The following ADAM28 variants were observed in gnomAD, a reference collection of about 807,000 sequenced individuals.
ADAM28 encodes ADAM metallopeptidase domain 28.
ADAM28 carries 105 observed loss-of-function variants against 101.2 expected under a neutral mutation model. The observed-to-expected ratio is 1.04, with a 90% confidence interval of 0.89 to 1.22. ADAM28 has a LOEUF of 1.22. Among genes scored for constraint, ADAM28 ranks in the 50% most tolerant of loss-of-function variants. ADAM28 has a pLI of 0.00. For synonymous variants in ADAM28, 322 were observed against 310.6 expected (o/e 1.04, Z -0.39); for missense variants, 1,028 against 945.4 (o/e 1.09, Z -1.15).
chr8:24,358,896 G>GACTA lies in ADAM28; in HGVS notation c.*4494_*4497dup, dbSNP rs1280830558. 6.6e-6 allele frequency: 1 copy of GACTA among 152,114 alleles called. No individual in the cohort carries two copies. The highest frequency in any genetic ancestry group is 2.4e-5 in the African/African-American group (1 of 41,414). The allele number at this position is 152,114 out of a possible 1,614,324, so 9.4% of individuals were successfully genotyped here. On this transcript the variant is annotated 3_prime_UTR_variant, in exon 23 of 23. Transcript: ENST00000265769. ...CATCTCAATATTAAATGACTAAGAT[G>GACTA]ACTAAGTCGTTTATGTTGCTCCCAC...
intron 13 of ADAM28, among the ~76,000 whole-genome samples, chr8:24,334,580 T>C (rs1813768095): frequency 6.6e-6 from 1 of 152,160 alleles, no homozygotes. Context: ...TAAGAGAAGA[T>C]ACAAGCATGG....
chr8:24,352,926 A>AACTATC (rs1816342580), intron 21 of ADAM28, among the ~76,000 whole-genome samples: 1 of 152,100 alleles, frequency 6.6e-6, no homozygotes, highest in Non-Finnish European at 1.5e-5. Flanking sequence ...CTTTGCTTGT[A>AACTATC]AGTATCAGAT....
intron 2 of ADAM28, among the ~76,000 whole-genome samples, chr8:24,307,777 G>A (rs562127379): frequency 6.6e-6 from 1 of 152,018 alleles, no homozygotes; most frequent in African/African-American, 2.4e-5. Context: ...GTTCTTAGAG[G>A]CCCAAACCAT....
Position 24,352,068 on chromosome 8 carries a change from C to A in ADAM28, c.2244+16C>A. On this transcript the variant is annotated intron_variant, in intron 21 of 22. Coordinates refer to ENST00000265769, the MANE Select transcript of ADAM28 (RefSeq NM_014265.6). ...AGCCTCTTTTGTGAGTTAGCAACTTCTCTTAAATACCACCCTAGTTCAATC... is the reference window on the plus strand; with the variant it reads ...AGCCTCTTTTGTGAGTTAGCAACTTATCTTAAATACCACCCTAGTTCAATC... 1 of 1,610,344 alleles carries A rather than the reference C, an allele frequency of 6.2e-7. No individual in the cohort carries two copies. The highest frequency in any genetic ancestry group is 8.5e-7 in the Non-Finnish European group (1 of 1,176,692).
At chr8:24,336,580 CAA>C (rs769016133) in intron 14 of ADAM28, among the ~76,000 whole-genome samples, 1 of 61,618 alleles carries the variant, frequency 1.6e-5, no homozygotes, top group African/African-American at 6.3e-5. Flanking sequence ...ACTCCGTCTC[CAA>C]AAAAAAAAAA....
rs998963243 is a variant in ADAM28 at position 24,355,028 on chromosome 8, A to G, written c.*624A>G. On this transcript the variant is annotated 3_prime_UTR_variant, in exon 23 of 23. Coordinates refer to ENST00000265769, the MANE Select transcript of ADAM28 (RefSeq NM_014265.6). ...TCACTTTTTAAATGGAGAAAATTTCAGTTAAATTAATAGGATAAACCAGGT... is the reference window on the plus strand; with the variant it reads ...TCACTTTTTAAATGGAGAAAATTTCGGTTAAATTAATAGGATAAACCAGGT... The G allele has an allele frequency of 6.6e-6, 1 of 152,610 alleles. No homozygotes were observed. The highest frequency in any genetic ancestry group is 1.5e-5 in the Non-Finnish European group (1 of 68,018). The allele number at this position is 152,610 out of a possible 1,614,324, so 9.5% of individuals were successfully genotyped here. A position where few individuals can be genotyped will look rare whatever the true frequency, so the allele number is the denominator to read the frequency against.
intron 14 of ADAM28, among the ~76,000 whole-genome samples, chr8:24,336,704 G>A (rs1329972465): frequency 6.6e-6 from 1 of 151,212 alleles, no homozygotes; most frequent in Non-Finnish European, 1.5e-5. Flanking sequence ...GAAGCAGAAA[G>A]TACAATGCTG....
rs147626999 is a variant in ADAM28, at chr8:24,331,380, A to G, written c.1281+53A>G. On this transcript the variant is annotated intron_variant, in intron 12 of 22. Coordinates refer to ENST00000265769, the MANE Select transcript of ADAM28 (RefSeq NM_014265.6). Reference sequence around the variant, plus strand: ...CTAGTTGGTTTTTCAGTTGCTAAGAAGATCAACTACAAAATAATGTGTGGC... The same window carrying G: ...CTAGTTGGTTTTTCAGTTGCTAAGAGGATCAACTACAAAATAATGTGTGGC... 1.6e-3 allele frequency: 2,369 copies of G among 1,513,494 alleles called. 10 individuals carry two copies. The highest frequency in any genetic ancestry group is 1.6e-3 in the Non-Finnish European group (1,794 of 1,121,262). The allele number at this position is 1,513,494 out of a possible 1,614,324, so 93.8% of individuals were successfully genotyped here.
At chr8:24,306,108 C>T (rs930472630) in intron 2 of ADAM28, among the ~76,000 whole-genome samples, 1 of 151,662 alleles carries the variant, frequency 6.6e-6, no homozygotes, top group Admixed American at 6.6e-5. Flanking sequence ...GAGGCCGAGG[C>T]GGGTGGATGA....
Position 24,358,030 on chromosome 8 carries a change from A to T in ADAM28, c.*3626A>T, listed in dbSNP as rs1434047724. 1.3e-5 allele frequency: 2 copies of T among 152,122 alleles called. No homozygotes were observed. Among genetic ancestry groups the T allele is most frequent in the African/African-American group, 4.8e-5 (2 of 41,428 alleles). The allele number at this position is 152,122 out of a possible 1,614,324, so 9.4% of individuals were successfully genotyped here. A position where few individuals can be genotyped will look rare whatever the true frequency, so the allele number is the denominator to read the frequency against. The stretch of plus-strand genomic sequence containing the variant: ...ACTTATATAGTTGTTTCTCTTGTTT[A>T]CTTAATAACATTCTCTTCTTTCCTA... On this transcript the variant is annotated 3_prime_UTR_variant, in exon 23 of 23. Transcript: ENST00000265769.
At position 24,341,586 on chromosome 8, in the gene ADAM28, C is replaced by G. The variant is rs188642389; in HGVS notation, c.1671-12C>G. ...ATTTGAATCCTGCAATACATTTTGGCTTTTTCCTCAGTGATACCATGTGTG... is the reference window on the plus strand; with the variant it reads ...ATTTGAATCCTGCAATACATTTTGGGTTTTTCCTCAGTGATACCATGTGTG... On this transcript the variant is annotated splice_polypyrimidine_tract_variant and intron_variant, in intron 15 of 22. Coordinates refer to ENST00000265769, the MANE Select transcript of ADAM28 (RefSeq NM_014265.6). 331 of 1,607,612 alleles carry G rather than the reference C, an allele frequency of 2.1e-4. 1 individual carries two copies. In the East Asian group the frequency reaches 7.3e-3, roughly 35 times the overall value.
At chr8:24,311,493 T>C (rs927068038) in intron 5 of ADAM28, 56 bp downstream of exon 5, 4 of 1,402,974 alleles carry the variant, frequency 2.9e-6, no homozygotes, top group Non-Finnish European at 4.0e-6. Context: ...TATGTATGTA[T>C]CTAACCAACC....
chr8:24,351,444 C>A, intron 20 of ADAM28, 134 bp downstream of exon 20: 3 of 970,410 alleles, frequency 3.1e-6, no homozygotes, highest in Admixed American at 3.9e-5. Context: ...GTCTCCTTTG[C>A]CTTTTGTTAA....
intron 19 of ADAM28, among the ~76,000 whole-genome samples, chr8:24,350,878 T>TGG (rs769555806): frequency 0.12 from 7,395 of 59,686 alleles, 265 homozygotes; most frequent in East Asian, 0.29. Flanking sequence ...TTTTTTTTTT[T>TGG]TTTTTTTTTT....
At chr8:24,321,614 GA>G (rs1272332224) in intron 8 of ADAM28, among the ~76,000 whole-genome samples, 3 of 151,838 alleles carry the variant, frequency 2.0e-5, no homozygotes, top group Non-Finnish European at 2.9e-5. Flanking sequence ...GTCCAGAGGG[GA>G]AAAAAATAAT....
intron 22 of ADAM28, 74 bp downstream of exon 22, chr8:24,353,906 C>A: frequency 9.1e-7 from 1 of 1,095,688 alleles, no homozygotes; most frequent in Non-Finnish European, 1.3e-6. Context: ...CCCACCATGT[C>A]TTTTTAGAAA....
At chr8:24,319,122 A>G (rs139454111) in intron 6 of ADAM28, among the ~76,000 whole-genome samples, 8 of 151,954 alleles carry the variant, frequency 5.3e-5, no homozygotes, top group African/African-American at 1.9e-4. Context: ...CTTTTTTTCT[A>G]TGCTCTAAAT....
At chr8:24,325,159 TA>T (rs1245717462) in intron 9 of ADAM28, 3 of 151,962 alleles carry the variant, frequency 2.0e-5, no homozygotes, top group Admixed American at 1.3e-4. Context: ...TCATAGCTGG[TA>T]AGTAATAAGG....
At chr8:24,309,850 G>A in intron 2 of ADAM28, 44 bp from the exon 3 acceptor site, 2 of 1,352,166 alleles carry the variant, frequency 1.5e-6, no homozygotes, top group Non-Finnish European at 2.1e-6. Flanking sequence ...ATAGTCAAAT[G>A]AATATGTTTT....
Sources: gnomAD v4.1 joint callset for allele counts (sites outside exome capture counted in the v4.1 genomes callset) on GRCh38, gnomAD v4.1.1 for gene constraint, MANE v1.5 for transcripts, NCBI Gene and HGNC (gene_info 2026-07-23, HGNC 2026-07-21) for gene names.